Variants in PZP observed in about 807,000 individuals in gnomAD.
PZP encodes the protein PZP alpha-2-macroglobulin like, also known as pregnancy zone protein.
Under a neutral mutation model 179.8 loss-of-function variants are expected in PZP, and 150 were observed. The ratio of observed to expected loss-of-function variants is 0.83; its 90% confidence interval spans 0.73 to 0.96. The LOEUF (loss-of-function observed/expected upper bound fraction) is 0.96. Among genes scored for constraint, PZP ranks in the 40% least tolerant of loss-of-function variants. The pLI, the probability that PZP is intolerant of heterozygous loss-of-function variation, is 0.00. For synonymous variants in PZP, 624 were observed against 652.3 expected (o/e 0.96, Z 0.66); for missense variants, 1,689 against 1,764.0 (o/e 0.96, Z 0.76).
At position 9,157,291 on chromosome 12, in the gene PZP, G is replaced by A; in HGVS notation, c.3434C>T (p.Thr1145Ile). The A allele has an allele frequency of 6.2e-7, 1 of 1,614,102 alleles. No homozygotes were observed. The highest frequency in any genetic ancestry group is 1.1e-5 in the South Asian group (1 of 91,064). The change falls in exon 28 of 36, where the codon ACC (threonine) becomes ATC (isoleucine). Residue 1145 changes from threonine to isoleucine, a missense_variant. Transcript: ENST00000261336. Reference protein sequence around the residue: ...ESAWNVAKEGTHGSHVYTKAL... With the variant: ...ESAWNVAKEGIHGSHVYTKAL... ...CTTGGTGTAGACATGGCTCCCATGG[G>A]TCCCCTCCTTTGCTACATTCCAGGC... is the stretch of plus-strand genomic sequence containing the variant.
the PZP span, among the ~76,000 whole-genome samples, chr12:9,139,923 G>A: frequency 6.6e-6 from 1 of 152,176 alleles, no homozygotes; most frequent in South Asian, 2.1e-4. Context: ...GCTTATCACA[G>A]GCTTGGAATG....
At chr12:9,181,182 T>C (rs1485350867) in intron 14 of PZP, 50 bp from the exon 15 acceptor site, 2 of 1,611,778 alleles carry the variant, frequency 1.2e-6, no homozygotes, top group East Asian at 2.2e-5. Flanking sequence ...ACTTCTGTGA[T>C]CTTGCAGTCA....
chr12:9,181,019 C>A lies in PZP; in HGVS notation c.1803G>T (p.Leu601=), dbSNP rs201671594. 1 of 1,614,050 alleles carries A rather than the reference C, an allele frequency of 6.2e-7. No individual in the cohort carries two copies. The highest frequency in any genetic ancestry group is 2.2e-5 in the East Asian group (1 of 44,864). Reference sequence around the variant, plus strand: ...AGAGCTCAGCCTCAGGCTTCATGAGCAGCACACTTTGGTCCACAGCACGAA... The same window carrying A: ...AGAGCTCAGCCTCAGGCTTCATGAGAAGCACACTTTGGTCCACAGCACGAA... ...CALRAVDQSV[L]LMKPEAELSV... is the part of the protein sequence containing the mutation. Residue 601 remains leucine, a synonymous_variant, in exon 15 of 36, where the codon CTG becomes CTT. Coordinates refer to ENST00000261336, the MANE Select transcript of PZP (RefSeq NM_002864.3).
chr12:9,167,734 C>G (rs143943930), intron 17 of PZP, among the ~76,000 whole-genome samples: 3 of 152,232 alleles, frequency 2.0e-5, no homozygotes, highest in African/African-American at 7.2e-5. Context: ...ATTTTAGAAG[C>G]TCTTTTTTTC....
chr12:9,186,515 A>G (rs1943127484), intron 13 of PZP, among the ~76,000 whole-genome samples: 1 of 152,198 alleles, frequency 6.6e-6, no homozygotes, highest in African/African-American at 2.4e-5. Context: ...GACCCATCTC[A>G]CATGCAATGA....
chr12:9,169,385 C>T (rs1565637830), intron 16 of PZP, 45 bp downstream of exon 16: 1 of 1,485,524 alleles, frequency 6.7e-7, no homozygotes, highest in East Asian at 2.3e-5. Flanking sequence ...TATTAACATT[C>T]AAAAACTCAC....
chr12:9,152,766 C>A (rs1940453409), intron 31 of PZP, 58 bp downstream of exon 31: 1 of 1,557,676 alleles, frequency 6.4e-7, no homozygotes, highest in Non-Finnish European at 8.7e-7. Flanking sequence ...CTATTAATTT[C>A]TGTTAATTCC....
At chr12:9,167,665 T>C (rs149474953) in intron 17 of PZP, 9 of 152,348 alleles carry the variant, frequency 5.9e-5, no homozygotes, top group African/African-American at 2.2e-4. Context: ...TTTTATTTCC[T>C]CATATACCTG....
At position 9,157,271 on chromosome 12, in the gene PZP, T is replaced by G; in HGVS notation, c.3454A>C (p.Thr1152Pro). The change falls in exon 28 of 36, where the codon ACC (threonine) becomes CCC (proline). Residue 1152 changes from threonine to proline, a missense_variant. Coordinates refer to ENST00000261336, the MANE Select transcript of PZP (RefSeq NM_002864.3). ...AAAGCATAGGCCAGCAATGCCTTGGTGTAGACATGGCTCCCATGGGTCCCC... is the reference window on the plus strand; with the variant it reads ...AAAGCATAGGCCAGCAATGCCTTGGGGTAGACATGGCTCCCATGGGTCCCC... ...KEGTHGSHVY[T>P]KALLAYAFSL... 1 of 1,614,058 alleles carries G rather than the reference T, an allele frequency of 6.2e-7. No individual in the cohort carries two copies. The highest frequency in any genetic ancestry group is 8.5e-7 in the Non-Finnish European group (1 of 1,179,910).
At chr12:9,141,947 A>G in the PZP span, among the ~76,000 whole-genome samples, 1 of 152,224 alleles carries the variant, frequency 6.6e-6, no homozygotes, top group Non-Finnish European at 1.5e-5. Flanking sequence ...ATGGCATTTT[A>G]TAAAGCATTC....
intron 23 of PZP, among the ~76,000 whole-genome samples, chr12:9,160,786 G>T (rs917087371): frequency 7.3e-4 from 111 of 152,014 alleles, no homozygotes; most frequent in African/African-American, 2.7e-3. Context: ...GTGGTGGCGG[G>T]CGCCTGTAGT....
intron 33 of PZP, 137 bp downstream of exon 33, chr12:9,151,467 C>A: frequency 1.7e-6 from 1 of 593,372 alleles, no homozygotes. Flanking sequence ...CCCTCTTATT[C>A]TTCTTGGAAT....
chr12:9,152,665 A>G (rs1940445498), intron 31 of PZP, among the ~76,000 whole-genome samples, 159 bp downstream of exon 31: 2 of 152,234 alleles, frequency 1.3e-5, no homozygotes, highest in Non-Finnish European at 2.9e-5. Flanking sequence ...TAGTAGAGAA[A>G]GGATCACGTC....
At position 9,161,198 on chromosome 12, in the gene PZP, C is replaced by CTCTG. The variant is rs1941179076; in HGVS notation, c.2789-83_2789-82insCAGA. The CTCTG allele has an allele frequency of 7.0e-6, 8 of 1,148,822 alleles. No individual in the cohort carries two copies. In the South Asian group the frequency reaches 9.1e-5, roughly 13 times the overall value. 71.2% of individuals were successfully genotyped at this position (1,148,822 alleles called of 1,614,324 possible). On this transcript the variant is annotated intron_variant, in intron 22 of 35. Transcript: ENST00000261336. ...AGTGATTATAATGTAGTGAGAGCTT[C>CTCTG]AGAGCCACACTCCCTGGATATGGTA...
chr12:9,193,031 A>C (rs889149295), intron 11 of PZP, among the ~76,000 whole-genome samples: 2 of 152,194 alleles, frequency 1.3e-5, no homozygotes, highest in African/African-American at 4.8e-5. Flanking sequence ...TAAATAACTC[A>C]AACAAGTGGA....
chr12:9,155,300 T>C (rs568008326), intron 28 of PZP, among the ~76,000 whole-genome samples: 86 of 152,210 alleles, frequency 5.7e-4, no homozygotes, highest in Non-Finnish European at 9.7e-4. Context: ...TTCTTTCTTT[T>C]TTTTTCTCTC....
chr12:9,141,199 A>T, the PZP span, among the ~76,000 whole-genome samples: 1 of 152,228 alleles, frequency 6.6e-6, no homozygotes, highest in African/African-American at 2.4e-5. Flanking sequence ...TCAGAAATAT[A>T]GGAGTCTCTT....
rs1041583477 is a variant in PZP at position 9,189,444 on chromosome 12, G to T, written c.1546+2749C>A. On this transcript the variant is annotated intron_variant, in intron 13 of 35. Transcript: ENST00000261336. ...TGAGATAACTGGCTAGCCATAGGCA[G>T]AAGATTGAAACTGGATCCCCGCCTT... Among the ~76,000 whole-genome samples the T allele has an allele frequency of 5.9e-5, 9 of 152,334 alleles. 1 individual carries two copies. Among genetic ancestry groups the T allele is most frequent in the African/African-American group, 2.2e-4 (9 of 41,574 alleles).
Position 9,153,236 on chromosome 12 carries a change from T to A in PZP, c.3882A>T (p.Thr1294=). The A allele has an allele frequency of 6.2e-7, 1 of 1,614,172 alleles. No individual in the cohort carries two copies. The highest frequency in any genetic ancestry group is 8.5e-7 in the Non-Finnish European group (1 of 1,179,988). ...VTVQDSQTFS[T]NFQVDNNNLL... is the part of the protein sequence containing the mutation. ...GGTTGTTGTTGTCTACTTGGAAATT[T>A]GTAGAAAAGGTCTGTGAATCCTGAA... Residue 1294 remains threonine (T), a synonymous_variant, in exon 30 of 36, where the codon ACA becomes ACT. Coordinates refer to ENST00000261336, the MANE Select transcript of PZP (RefSeq NM_002864.3).
Sources: gnomAD v4.1 joint callset for allele counts (sites outside exome capture counted in the v4.1 genomes callset) on GRCh38, gnomAD v4.1.1 for gene constraint, MANE v1.5 for transcripts, NCBI Gene and HGNC (gene_info 2026-07-23, HGNC 2026-07-21) for gene names.